SWT1: variants seen among roughly 807,000 people sequenced by gnomAD.
SWT1 encodes transcriptional protein SWT1.
In SWT1, 33 loss-of-function variants were observed where a neutral mutation model predicts 107.3. That is an observed-to-expected ratio of 0.31 (90% CI 0.23 to 0.41). SWT1 has a LOEUF of 0.41. SWT1 is among the 10% of genes least tolerant of loss of function. SWT1 has a pLI of 1.00. For missense variants in SWT1, 898 were observed against 1,028.9 expected, an observed-to-expected ratio of 0.87 and a Z score of 1.74; for synonymous variants, 345 against 348.3, an observed-to-expected ratio of 0.99 and a Z score of 0.11.
At chr1:185,244,064 C>G (rs901940276) in intron 16 of SWT1, among the ~76,000 whole-genome samples, 1 of 151,932 alleles carries the variant, frequency 6.6e-6, no homozygotes, top group Non-Finnish European at 1.5e-5. Flanking sequence ...GGGAAATACA[C>G]TCATACATCT....
rs574934060 is a variant in SWT1, at chr1:185,247,301, G to A, written c.2441+15593G>A. On this transcript the variant is annotated intron_variant, in intron 16 of 18. Transcript: ENST00000367500. ...TGTGACCTGGGGCTCTCTGACATAC[G>A]GACTAAAGTAAAGGCACAATTTCAG... is the stretch of plus-strand genomic sequence containing the variant. Among the ~76,000 whole-genome samples, 8 of 152,128 alleles carry A rather than the reference G, an allele frequency of 5.3e-5. No homozygotes were observed. The East Asian group carries it at 5.8e-4, about 11-fold the overall frequency.
At chr1:185,243,957 G>T (rs1435132368) in intron 16 of SWT1, among the ~76,000 whole-genome samples, 1 of 152,042 alleles carries the variant, frequency 6.6e-6, no homozygotes, top group Non-Finnish European at 1.5e-5. Context: ...CAGCAGTTTT[G>T]TATGCTATTG....
At chr1:185,217,919 T>C (rs777658474) in intron 14 of SWT1, among the ~76,000 whole-genome samples, 12 of 152,104 alleles carry the variant, frequency 7.9e-5, no homozygotes, top group Non-Finnish European at 1.5e-4. Flanking sequence ...TATATTACAA[T>C]GTAATTATAA....
At chr1:185,209,112 A>G (rs751069935) in intron 13 of SWT1, among the ~76,000 whole-genome samples, 6 of 152,212 alleles carry the variant, frequency 3.9e-5, no homozygotes, top group Non-Finnish European at 5.9e-5. Context: ...CATGAAGGAC[A>G]TGGAGGAATT....
At chr1:185,200,132 G>A (rs575497106) in intron 10 of SWT1, among the ~76,000 whole-genome samples, 9 of 151,874 alleles carry the variant, frequency 5.9e-5, no homozygotes, top group Non-Finnish European at 1.2e-4. Flanking sequence ...GGTTATTATA[G>A]TTAGCAATTC....
At chr1:185,280,079 T>C (rs556153685) in intron 18 of SWT1, among the ~76,000 whole-genome samples, 1 of 152,218 alleles carries the variant, frequency 6.6e-6, no homozygotes, top group East Asian at 1.9e-4. Flanking sequence ...AATCCCTACG[T>C]TTGGAGGGAG....
At chr1:185,179,857 C>T (rs1269332983) in intron 5 of SWT1, among the ~76,000 whole-genome samples, 1 of 152,160 alleles carries the variant, frequency 6.6e-6, no homozygotes, top group South Asian at 2.1e-4. Context: ...CCTCAGGGGA[C>T]ATTTGGCAAT....
At chr1:185,199,522 G>A (rs1194398165) in intron 10 of SWT1, among the ~76,000 whole-genome samples, 1 of 152,168 alleles carries the variant, frequency 6.6e-6, no homozygotes, top group Admixed American at 6.5e-5. Context: ...TAGTTTGGCT[G>A]TATATGAAAG....
At chr1:185,248,182 ATCTGTAGT>A (rs1661743477) in intron 16 of SWT1, among the ~76,000 whole-genome samples, 1 of 152,250 alleles carries the variant, frequency 6.6e-6, no homozygotes, top group African/African-American at 2.4e-5. Context: ...AGCAGAGGGT[ATCTGTAGT>A]TCAGTGTGTT....
intron 13 of SWT1, among the ~76,000 whole-genome samples, chr1:185,208,813 A>T (rs1042156190): frequency 6.6e-6 from 1 of 151,380 alleles, no homozygotes; most frequent in Admixed American, 6.6e-5. Context: ...CTAATCTAGG[A>T]TGCATAGCTG....
chr1:185,234,936 C>A (rs145387987), intron 16 of SWT1, among the ~76,000 whole-genome samples: 28 of 152,320 alleles, frequency 1.8e-4, no homozygotes, highest in Non-Finnish European at 2.9e-4. Context: ...ATAAACACCT[C>A]TATGCAAATA....
chr1:185,175,074 A>G lies in SWT1; in HGVS notation c.927A>G (p.Gln309=). Residue 309 remains glutamine, a synonymous_variant, in exon 5 of 19, where the codon CAA becomes CAG. Transcript: ENST00000367500. The part of the protein sequence containing the change: ...EWKRKHHYDH[Q]ESNDSHSREN... The stretch of plus-strand genomic sequence containing the variant: ...AACGAAAACATCATTATGACCATCA[A>G]GAAAGTAATGATTCACATTCTAGGG... 1 of 1,579,482 alleles carries G rather than the reference A, an allele frequency of 6.3e-7. No individual in the cohort carries two copies. The highest frequency in any genetic ancestry group is 8.6e-7 in the Non-Finnish European group (1 of 1,164,768).
intron 3 of SWT1, among the ~76,000 whole-genome samples, chr1:185,167,155 G>A (rs886713364): frequency 2.0e-5 from 3 of 152,208 alleles, no homozygotes; most frequent in Middle Eastern, 6.8e-3. Flanking sequence ...TGATCTGCCC[G>A]CCTCAGCCTC....
chr1:185,181,943 T>C lies in SWT1; in HGVS notation c.1027-3T>C. 6.2e-7 allele frequency: 1 copy of C among 1,613,788 alleles called. No homozygotes were observed. The highest frequency in any genetic ancestry group is 1.1e-5 in the South Asian group (1 of 91,066). ...TATTTCACTGGGGTCTTTTACACTT[T>C]AGATGCAGATAGTAGAAGAGCTTCA... On this transcript the variant is annotated splice_polypyrimidine_tract_variant and splice_region_variant and intron_variant, in intron 6 of 18. Transcript: ENST00000367500.
intron 4 of SWT1, among the ~76,000 whole-genome samples, chr1:185,172,667 T>C (rs939669335): frequency 6.6e-6 from 1 of 152,180 alleles, no homozygotes; most frequent in African/African-American, 2.4e-5. Context: ...TTGTTTTACA[T>C]TTCTACCAGC....
intron 6 of SWT1, 110 bp downstream of exon 6, chr1:185,180,560 A>C (rs1311604339): frequency 2.6e-6 from 2 of 775,702 alleles, no homozygotes; most frequent in African/African-American, 3.5e-5. Flanking sequence ...AATAACAATG[A>C]TGTCTCTATT....
At chr1:185,158,797 AAC>A (rs1033253723) in intron 1 of SWT1, among the ~76,000 whole-genome samples, 19 of 152,324 alleles carry the variant, frequency 1.2e-4, no homozygotes, top group Admixed American at 4.6e-4. Context: ...AGTAGCTTAA[AAC>A]AACAGTAAAC....
chr1:185,201,510 C>G (rs912832730), intron 10 of SWT1, among the ~76,000 whole-genome samples: 2 of 152,146 alleles, frequency 1.3e-5, no homozygotes, highest in African/African-American at 4.8e-5. Context: ...GGAGGGAGTT[C>G]CCTGACCTCT....
At position 185,287,137 on chromosome 1, in the gene SWT1, C is replaced by T. The variant is rs546629436; in HGVS notation, c.2574-3537C>T. Among the ~76,000 whole-genome samples the T allele has an allele frequency of 4.6e-5, 7 of 152,238 alleles. No individual in the cohort carries two copies. In the South Asian group the frequency reaches 1.4e-3, roughly 32 times the overall value. ...TCATTCTTGGATTTTGGAAAAATTG[C>T]ATCCAGCACTGGAATTAGATCATGT... On this transcript the variant is annotated intron_variant, in intron 18 of 18. Transcript: ENST00000367500.
Sources: allele counts gnomAD v4.1 joint callset (sites outside exome capture counted in the v4.1 genomes callset), GRCh38; gene constraint gnomAD v4.1.1; transcripts MANE v1.5; gene names NCBI Gene and HGNC (gene_info 2026-07-23, HGNC 2026-07-21).